The following MYT1L variants were observed in gnomAD, a reference collection of about 807,000 sequenced individuals.
MYT1L encodes the protein myelin transcription factor 1 like, also known as myelin transcription factor 1-like protein.
Under a neutral mutation model 126.7 loss-of-function variants are expected in MYT1L, and 12 were observed. The observed-to-expected ratio is 0.09, with a 90% CI of 0.06 to 0.15. MYT1L has a LOEUF of 0.15. Among genes scored for constraint, MYT1L ranks in the 10% least tolerant of loss-of-function variants. MYT1L has a pLI of 1.00. For synonymous variants in MYT1L, 541 were observed against 604.2 expected, an observed-to-expected ratio of 0.90 and a Z score of 1.53; for missense variants, 979 against 1,585.2, an observed-to-expected ratio of 0.62 and a Z score of 6.49.
intron 2 of MYT1L, among the ~76,000 whole-genome samples, chr2:2,279,164 T>G (rs981102792): frequency 9.9e-5 from 15 of 152,180 alleles, no homozygotes. Flanking sequence ...TCTTAGTGTC[T>G]TAACAGTTGT....
At chr2:2,122,480 C>A (rs1352567577) in intron 3 of MYT1L, among the ~76,000 whole-genome samples, 3 of 152,160 alleles carry the variant, frequency 2.0e-5, no homozygotes, top group Non-Finnish European at 2.9e-5. Flanking sequence ...TAGGAAAAAG[C>A]CCACCTTCCT....
intron 5 of MYT1L, among the ~76,000 whole-genome samples, chr2:1,992,149 T>C (rs565919397): frequency 6.6e-6 from 1 of 152,180 alleles, no homozygotes; most frequent in Non-Finnish European, 1.5e-5. Flanking sequence ...TAGACATCGG[T>C]TTTTCTGCAC....
chr2:2,037,577 G>A (rs1293604275), intron 4 of MYT1L, among the ~76,000 whole-genome samples: 2 of 151,712 alleles, frequency 1.3e-5, no homozygotes, highest in Non-Finnish European at 2.9e-5. Flanking sequence ...CCAACATGGC[G>A]AAACCCCATC....
At chr2:1,915,279 G>T (rs1484430388) in intron 11 of MYT1L, among the ~76,000 whole-genome samples, 5 of 152,308 alleles carry the variant, frequency 3.3e-5, no homozygotes, top group Admixed American at 6.5e-5. Context: ...GTGTTATAAA[G>T]AATCGCACAG....
At chr2:2,013,812 G>T (rs1359015584) in intron 4 of MYT1L, among the ~76,000 whole-genome samples, 1 of 152,254 alleles carries the variant, frequency 6.6e-6, no homozygotes, top group Non-Finnish European at 1.5e-5. Context: ...CACCCATGTG[G>T]GTTCTGCAGT....
At chr2:2,219,730 G>A (rs1490666261) in intron 2 of MYT1L, among the ~76,000 whole-genome samples, 2 of 152,206 alleles carry the variant, frequency 1.3e-5, no homozygotes, top group Non-Finnish European at 2.9e-5. Flanking sequence ...AATACGGAAT[G>A]TGAGGTCCTG....
At position 1,811,412 on chromosome 2, in the gene MYT1L, A is replaced by ATCAGCTCCG. The variant is rs1558624593; in HGVS notation, c.3081-2246_3081-2245insCGGAGCTGA. 3.8e-5 allele frequency: 2 copies of ATCAGCTCCG among 52,068 alleles called. No homozygotes were observed. The highest frequency in any genetic ancestry group is 9.3e-4 in the South Asian group (1 of 1,080). 3.2% of individuals were successfully genotyped at this position (52,068 alleles called of 1,614,324 possible). A position where few individuals can be genotyped will look rare whatever the true frequency, so the allele number is the denominator to read the frequency against. On this transcript the variant is annotated intron_variant, in intron 21 of 24. Coordinates refer to ENST00000647738, the MANE Select transcript of MYT1L (RefSeq NM_001303052.2). This position sits in a 1 kb window ranked among gnomAD's most constrained non-coding sequence, Gnocchi z 4.4. The stretch of plus-strand genomic sequence containing the variant: ...CATCAGCTCTGGCGTCATCAGCTCC[A>ATCAGCTCCG]GCATCATCAGCTCCCGCGTCCTATC...
intron 3 of MYT1L, among the ~76,000 whole-genome samples, chr2:2,129,310 C>T (rs778939581): frequency 6.6e-6 from 1 of 152,178 alleles, no homozygotes; most frequent in Non-Finnish European, 1.5e-5. Context: ...GATATGATAA[C>T]TGCTGAACAA....
chr2:2,026,885 G>A (rs1366442692), intron 4 of MYT1L, among the ~76,000 whole-genome samples: 4 of 152,120 alleles, frequency 2.6e-5, no homozygotes, highest in Non-Finnish European at 4.4e-5. Context: ...TGGAAGGCTC[G>A]CCTCTGTGGG....
intron 22 of MYT1L, among the ~76,000 whole-genome samples, chr2:1,802,302 A>G (rs974858294): frequency 1.3e-5 from 2 of 152,182 alleles, no homozygotes; most frequent in Admixed American, 6.5e-5. Flanking sequence ...AAAATGGGCA[A>G]CAGACGTGTA....
intron 3 of MYT1L, among the ~76,000 whole-genome samples, chr2:2,123,894 G>T (rs1342800844): frequency 2.6e-5 from 4 of 152,154 alleles, no homozygotes; most frequent in Non-Finnish European, 4.4e-5. Flanking sequence ...ATGTGGCGGG[G>T]CCCTGAGCCC....
At chr2:1,931,631 A>T (rs1398329410) in intron 9 of MYT1L, among the ~76,000 whole-genome samples, 1 of 151,984 alleles carries the variant, frequency 6.6e-6, no homozygotes, top group Non-Finnish European at 1.5e-5. Context: ...AATTACCCAA[A>T]ATACACTCCC....
intron 1 of MYT1L, among the ~76,000 whole-genome samples, chr2:2,308,142 A>G (rs977086817): frequency 2.0e-5 from 3 of 151,612 alleles, no homozygotes; most frequent in Non-Finnish European, 4.4e-5. Flanking sequence ...CCTACACTTC[A>G]GCACATTCTA....
At chr2:2,176,561 C>T (rs1044254773) in intron 2 of MYT1L, among the ~76,000 whole-genome samples, 7 of 151,178 alleles carry the variant, frequency 4.6e-5, no homozygotes, top group South Asian at 2.1e-4. Context: ...TGCAGTGGCA[C>T]GATCTTGGCT....
chr2:1,801,503 C>T lies in MYT1L; in HGVS notation c.3276+193G>A, dbSNP rs1479213893. On this transcript the variant is annotated intron_variant, in intron 23 of 24. Coordinates refer to ENST00000647738, the MANE Select transcript of MYT1L (RefSeq NM_001303052.2). This position sits in a 1 kb window ranked among gnomAD's most constrained non-coding sequence, Gnocchi z 4.2. ...ATGCAGACTGAAAACGAGAGAACCA[C>T]GGCCCCTGCTACAGCGAACACTGCC... The T allele has an allele frequency of 1.2e-5, 6 of 498,362 alleles. No homozygotes were observed. In the Admixed American group the frequency reaches 1.6e-4, roughly 13 times the overall value. The allele number at this position is 498,362 out of a possible 1,614,324, so 30.9% of individuals were successfully genotyped here.
intron 8 of MYT1L, among the ~76,000 whole-genome samples, chr2:1,953,028 T>C (rs545659800): frequency 4.8e-5 from 7 of 144,430 alleles, no homozygotes; most frequent in Admixed American, 4.8e-4. Context: ...TTCCTTCCTC[T>C]TTCCTCTTTC....
intron 2 of MYT1L, among the ~76,000 whole-genome samples, chr2:2,271,801 C>G (rs1359280400): frequency 6.6e-6 from 1 of 152,184 alleles, no homozygotes; most frequent in Non-Finnish European, 1.5e-5. Context: ...GATGCCATGC[C>G]CATGACCTCA....
chr2:2,053,783 G>T (rs1371784257), intron 4 of MYT1L, among the ~76,000 whole-genome samples, 195 bp downstream of exon 4: 6 of 152,192 alleles, frequency 3.9e-5, no homozygotes, highest in Non-Finnish European at 5.9e-5. Flanking sequence ...TGTTTACCAA[G>T]AGATTACACA....
intron 3 of MYT1L, among the ~76,000 whole-genome samples, chr2:2,168,209 T>C (rs1006370013): frequency 2.0e-5 from 3 of 152,114 alleles, no homozygotes. Context: ...AGCACAGGCA[T>C]CCCAGAGGCT....
Sources: gnomAD v4.1 joint callset for allele counts (sites outside exome capture counted in the v4.1 genomes callset) on GRCh38, gnomAD v4.1.1 for gene constraint, Gnocchi (gnomAD v3.1) non-coding constraint, MANE v1.5 for transcripts, NCBI Gene and HGNC (gene_info 2026-07-23, HGNC 2026-07-21) for gene names.